CLN3: variants seen among roughly 807,000 people sequenced by gnomAD.
CLN3 encodes battenin.
Under a neutral mutation model 60.7 loss-of-function variants are expected in CLN3, and 49 were observed. That is an observed-to-expected ratio of 0.81 (90% CI 0.64 to 1.02). CLN3 has a LOEUF of 1.02. Ranked by LOEUF, CLN3 falls within the 50% of genes least tolerant of loss-of-function variation. The probability of loss-of-function intolerance (pLI) is 0.00; values close to 1 mark genes in which losing one functional copy is unlikely to be tolerated. For synonymous variants in CLN3, 256 were observed against 245.8 expected, an observed-to-expected ratio of 1.04 and a Z score of -0.39; for missense variants, 516 against 557.4, an observed-to-expected ratio of 0.93 and a Z score of 0.75.
Position 28,488,495 on chromosome 16 carries a change from C to G in CLN3, c.294+96G>C, listed in dbSNP as rs1050848105. ...CAGCCCAGGTCTCAACTGTTTTAAT[C>G]ATGACAGTCCCAGCTGGGTAGTGAA... is the stretch of plus-strand genomic sequence containing the variant. On this transcript the variant is annotated intron_variant, in intron 5 of 15. Coordinates refer to ENST00000636147, the MANE Select transcript of CLN3 (RefSeq NM_001042432.2). The G allele has an allele frequency of 1.6e-5, 18 of 1,125,008 alleles. No homozygotes were observed. In the African/African-American group the frequency reaches 2.6e-4, roughly 16 times the overall value. The allele number at this position is 1,125,008 out of a possible 1,614,324, so 69.7% of individuals were successfully genotyped here.
At chr16:28,472,928 C>G (rs988245483), downstream of CLN3, among the ~76,000 whole-genome samples, 1 of 150,016 alleles carries the variant, frequency 6.7e-6, no homozygotes, top group East Asian at 2.0e-4. Context: ...TGAGCCACTG[C>G]ACCCCGCCCC....
chr16:28,483,947 G>T, intron 10 of CLN3, 59 bp downstream of exon 10: 1 of 1,282,912 alleles, frequency 7.8e-7, no homozygotes, highest in Non-Finnish European at 1.1e-6. Flanking sequence ...ATTGCAGAGA[G>T]GAAAAGGCCA....
chr16:28,484,208 T>A (rs768094267), intron 9 of CLN3, 90 bp from the exon 10 acceptor site: 11 of 892,734 alleles, frequency 1.2e-5, no homozygotes, highest in Non-Finnish European at 2.0e-5. Flanking sequence ...AGGGAACACC[T>A]CTACCTTTGA....
intron 9 of CLN3, 72 bp from the exon 10 acceptor site, chr16:28,484,190 C>T (rs1397761220): frequency 9.1e-7 from 1 of 1,102,134 alleles, no homozygotes; most frequent in African/African-American, 1.6e-5. Flanking sequence ...ATCTAGGCCA[C>T]TTTTCCCAGG....
At chr16:28,469,634 G>A, downstream of CLN3, 1 of 278,150 alleles carries the variant, frequency 3.6e-6, no homozygotes, top group South Asian at 2.7e-5. Context: ...TGTAGATCTT[G>A]AAAGGGGGTC....
intron 14 of CLN3, among the ~76,000 whole-genome samples, chr16:28,478,340 G>C (rs1031300723): frequency 6.6e-6 from 1 of 150,788 alleles, no homozygotes; most frequent in African/African-American, 2.4e-5. Flanking sequence ...CCTCAGCCTG[G>C]TGCAGTGGCT....
Position 28,482,835 on chromosome 16 carries a change from G to A in CLN3, c.791-163C>T, listed in dbSNP as rs1156698748. Among the ~76,000 whole-genome samples the A allele has an allele frequency of 2.0e-5, 3 of 152,152 alleles. 1 individual carries two copies. The highest frequency in any genetic ancestry group is 4.2e-4 in the South Asian group (2 of 4,816). ...AATGGTTAAAATGGCTGGGCGCAGTGGCTCATGCTTGTAATCCCAGCACCT... is the reference window on the plus strand; with the variant it reads ...AATGGTTAAAATGGCTGGGCGCAGTAGCTCATGCTTGTAATCCCAGCACCT... On this transcript the variant is annotated intron_variant, in intron 10 of 15. Transcript: ENST00000636147.
chr16:28,486,180 T>C (rs2141711637), intron 9 of CLN3, among the ~76,000 whole-genome samples, 167 bp downstream of exon 9: 1 of 152,196 alleles, frequency 6.6e-6, no homozygotes, highest in Admixed American at 6.5e-5. Flanking sequence ...GTATTTTTAG[T>C]AGAGACGGGG....
At chr16:28,481,454 G>A (rs181197) in intron 14 of CLN3, among the ~76,000 whole-genome samples, 41,958 of 126,734 alleles carry the variant, frequency 0.33, 7,602 homozygotes, top group Non-Finnish European at 0.43. Context: ...ACACACACAC[G>A]CACACACACA....
downstream of CLN3, chr16:28,474,235 C>T (rs1216251965): frequency 6.6e-6 from 1 of 152,100 alleles, no homozygotes; most frequent in Admixed American, 6.6e-5. Flanking sequence ...TCACTGCACT[C>T]CAGCCTGGTG....
In CLN3 at chr16:28,477,649, G is replaced by C. The variant is rs757911107; in HGVS notation, c.1198-14C>G. On this transcript the variant is annotated splice_polypyrimidine_tract_variant and intron_variant, in intron 15 of 15. Coordinates refer to ENST00000636147, the MANE Select transcript of CLN3 (RefSeq NM_001042432.2). Reference sequence around the variant, plus strand: ...CTCATCACTGGTCTGGGAGGGCAGAGAGCAGGGGTGAGGCTTCAGTCCCAG... The same window carrying C: ...CTCATCACTGGTCTGGGAGGGCAGACAGCAGGGGTGAGGCTTCAGTCCCAG... 3.1e-6 allele frequency: 5 copies of C among 1,613,900 alleles called. No homozygotes were observed. The Admixed American group carries it at 6.7e-5, about 22-fold the overall frequency.
the CLN3 span, among the ~76,000 whole-genome samples, chr16:28,468,388 CTAAA>C: frequency 6.9e-6 from 1 of 145,724 alleles, no homozygotes; most frequent in Non-Finnish European, 1.5e-5. Flanking sequence ...AAGAATCCCT[CTAAA>C]TAATACTTCT....
chr16:28,482,257 C>T (rs1235024295), intron 13 of CLN3, 59 bp from the exon 14 acceptor site: 8 of 1,602,440 alleles, frequency 5.0e-6, no homozygotes, highest in African/African-American at 1.3e-5. Flanking sequence ...CCGCTCCCCC[C>T]GGTGCCTACT....
At chr16:28,486,792 G>T in intron 7 of CLN3, 142 bp from the exon 8 acceptor site, 1 of 802,770 alleles carries the variant, frequency 1.2e-6, no homozygotes, top group Non-Finnish European at 2.1e-6. Flanking sequence ...TTCCAGGTCT[G>T]AAGCAGAGCC....
downstream of CLN3, chr16:28,477,186 A>G (rs140807677): frequency 0.021 from 7,653 of 364,686 alleles, 841 homozygotes; most frequent in South Asian, 0.19. Flanking sequence ...ATCTGCTGAC[A>G]TACCTTCTTT....
At chr16:28,479,615 CA>C in intron 14 of CLN3, 1 of 158,696 alleles carries the variant, frequency 6.3e-6, no homozygotes, top group Non-Finnish European at 1.4e-5. Context: ...CAAAACAAAA[CA>C]AAAAATTTGC....
At chr16:28,488,684 T>C in intron 4 of CLN3, 22 bp from the exon 5 acceptor site, 1 of 1,612,672 alleles carries the variant, frequency 6.2e-7, no homozygotes, top group Middle Eastern at 1.6e-4. Context: ...AAAGCATGTC[T>C]TTCACCCTGG....
At chr16:28,481,819 T>G (rs949893007) in intron 14 of CLN3, among the ~76,000 whole-genome samples, 1 of 151,990 alleles carries the variant, frequency 6.6e-6, no homozygotes, top group Non-Finnish European at 1.5e-5. Context: ...AAATCCCATC[T>G]CTACTAAAAA....
intron 9 of CLN3, chr16:28,484,332 A>G (rs2046167009): frequency 5.3e-6 from 3 of 567,946 alleles, no homozygotes; most frequent in Non-Finnish European, 9.4e-6. Context: ...CCTTATTCCT[A>G]TTCATGGGCC....
Sources: gnomAD v4.1 joint callset for allele counts (sites outside exome capture counted in the v4.1 genomes callset) on GRCh38, gnomAD v4.1.1 for gene constraint, MANE v1.5 for transcripts, NCBI Gene and HGNC (gene_info 2026-07-23, HGNC 2026-07-21) for gene names.